PCBP3: variants seen among roughly 807,000 people sequenced by gnomAD.
PCBP3 encodes the protein poly(rC) binding protein 3.
PCBP3 carries 25 observed loss-of-function variants against 52.7 expected under a neutral mutation model. That is an observed-to-expected ratio of 0.47 (90% CI 0.35 to 0.66). The LOEUF (loss-of-function observed/expected upper bound fraction) is 0.66, where lower values mean the gene tolerates loss of function less well. Ranked by LOEUF, PCBP3 falls within the 30% of genes least tolerant of loss-of-function variation. The probability of loss-of-function intolerance (pLI) is 0.01; values close to 1 mark genes in which losing one functional copy is unlikely to be tolerated. For synonymous variants in PCBP3, 162 were observed against 183.0 expected (o/e 0.89, Z 0.93); for missense variants, 391 against 490.3 (o/e 0.80, Z 1.91).
At chr21:45,921,147 A>C (rs2074374074) in intron 13 of PCBP3, among the ~76,000 whole-genome samples, 1 of 113,138 alleles carries the variant, frequency 8.8e-6, no homozygotes, top group African/African-American at 2.7e-5. Context: ...ATAGTCAGGA[A>C]GCAATTTGTA....
chr21:45,732,537 G>A (rs758040523), intron 2 of PCBP3, among the ~76,000 whole-genome samples: 25 of 150,122 alleles, frequency 1.7e-4, no homozygotes, highest in Middle Eastern at 3.4e-3. Flanking sequence ...TGATTATGAC[G>A]TGCCTTGGTT....
At chr21:45,919,259 C>T (rs903050021) in intron 13 of PCBP3, 2 of 152,232 alleles carry the variant, frequency 1.3e-5, no homozygotes, top group Non-Finnish European at 2.9e-5. Flanking sequence ...AGCTGCTCCT[C>T]GTAACGCAGT....
chr21:45,857,564 A>G (rs2094349594), intron 5 of PCBP3, among the ~76,000 whole-genome samples: 1 of 152,036 alleles, frequency 6.6e-6, no homozygotes, highest in African/African-American at 2.4e-5. Flanking sequence ...TACACCACCT[A>G]TAACCCCCCA....
Position 45,646,107 on chromosome 21 carries a change from C to CTG in PCBP3, c.-279+2277_-279+2278dup, listed in dbSNP as rs765931494. The stretch of plus-strand genomic sequence containing the variant: ...TTTCTCTCTCTCTCTCTCTCTCTCT[C>CTG]TGTGTGTGTGTGTGTGTGTGTGTGT... On this transcript the variant is annotated intron_variant, in intron 1 of 17. Coordinates refer to ENST00000681687, the MANE Select transcript of PCBP3 (RefSeq NM_001384156.1). Among the ~76,000 whole-genome samples, 672 of 83,822 alleles carry CTG rather than the reference C, an allele frequency of 8.0e-3. 7 individuals are homozygous for CTG. The highest frequency in any genetic ancestry group is 0.019 in the Middle Eastern group (3 of 160). 55.0% of individuals were successfully genotyped at this position (83,822 alleles called of 152,430 possible).
At chr21:45,934,846 G>T (rs894810368) in intron 15 of PCBP3, among the ~76,000 whole-genome samples, 4 of 152,198 alleles carry the variant, frequency 2.6e-5, no homozygotes, top group Non-Finnish European at 4.4e-5. Context: ...CAGCATCAGT[G>T]TGACCAGCAT....
In PCBP3 at chr21:45,880,469, C is replaced by T. The variant is rs753172233; in HGVS notation, c.11-15739C>T. On this transcript the variant is annotated intron_variant, in intron 5 of 17. Transcript: ENST00000681687. The surrounding 1 kb of genome is among the most constrained non-coding windows in gnomAD (Gnocchi z 5.4). ...GGTGGTGTGGGAGAAAATAGGATTA[C>T]GGTGCTTCTGAGTATTGAGTTTAGA... Among the ~76,000 whole-genome samples, 26 of 152,216 alleles carry T rather than the reference C, an allele frequency of 1.7e-4. No individual in the cohort carries two copies. Among genetic ancestry groups the T allele is most frequent in the Non-Finnish European group, 3.1e-4 (21 of 68,044 alleles).
chr21:45,828,065 T>C (rs55927540), intron 4 of PCBP3: 23,127 of 152,254 alleles, frequency 0.15, 1,912 homozygotes, highest in Middle Eastern at 0.3. Context: ...TGGAGTGTCG[T>C]TGGTGTTGGA....
chr21:45,857,307 T>C (rs944992533), intron 5 of PCBP3, among the ~76,000 whole-genome samples: 3 of 152,154 alleles, frequency 2.0e-5, no homozygotes, highest in Non-Finnish European at 4.4e-5. Context: ...CAATATAGGG[T>C]TAAATAAAAC....
chr21:45,887,798 A>G (rs1397729855), intron 5 of PCBP3, among the ~76,000 whole-genome samples: 1 of 152,206 alleles, frequency 6.6e-6, no homozygotes, highest in Non-Finnish European at 1.5e-5. Context: ...AGAGGCTGCA[A>G]CTACTACGCA....
At chr21:45,919,853 G>T (rs909075277) in intron 13 of PCBP3, among the ~76,000 whole-genome samples, 3 of 150,800 alleles carry the variant, frequency 2.0e-5, no homozygotes, top group African/African-American at 7.5e-5. Context: ...GCGCGTGCGC[G>T]TCCCCGTGCA....
chr21:45,779,424 G>C (rs184801083), intron 4 of PCBP3, among the ~76,000 whole-genome samples: 1 of 152,260 alleles, frequency 6.6e-6, no homozygotes, highest in Non-Finnish European at 1.5e-5. Flanking sequence ...AGCCAGGCAG[G>C]CTCCCCCTCT....
chr21:45,664,994 A>G (rs2080698995), intron 1 of PCBP3, among the ~76,000 whole-genome samples: 1 of 152,012 alleles, frequency 6.6e-6, no homozygotes, highest in Admixed American at 6.6e-5. Context: ...CCTTGTAGAA[A>G]TCTTTCACCT....
intron 2 of PCBP3, among the ~76,000 whole-genome samples, chr21:45,731,988 G>A (rs2085490436): frequency 6.6e-6 from 1 of 151,190 alleles, no homozygotes; most frequent in African/African-American, 2.4e-5. Context: ...ACTTCTTTTT[G>A]TAGATCCAGA....
intron 2 of PCBP3, among the ~76,000 whole-genome samples, chr21:45,669,799 GTGTGTGTA>G (rs1432295304): frequency 0.022 from 1,939 of 87,612 alleles, 7 homozygotes; most frequent in Middle Eastern, 0.031. Flanking sequence ...GTGTGTGTGT[GTGTGTGTA>G]TATATATATA....
intron 3 of PCBP3, among the ~76,000 whole-genome samples, chr21:45,742,582 T>C (rs903043957): frequency 2.6e-5 from 4 of 152,246 alleles, no homozygotes; most frequent in South Asian, 2.1e-4. Context: ...TCGTCTCTTA[T>C]TGTGTTTACA....
At chr21:45,653,404 T>C (rs1434733758) in intron 1 of PCBP3, among the ~76,000 whole-genome samples, 2 of 152,174 alleles carry the variant, frequency 1.3e-5, no homozygotes, top group Non-Finnish European at 2.9e-5. Context: ...TTTGAGACTG[T>C]GTTGTCAGGG....
intron 5 of PCBP3, among the ~76,000 whole-genome samples, chr21:45,889,353 C>A (rs745772413): frequency 2.0e-5 from 3 of 152,254 alleles, no homozygotes; most frequent in Non-Finnish European, 2.9e-5. Context: ...TGCTTAGAAG[C>A]TGTCAGGACC....
intron 4 of PCBP3, among the ~76,000 whole-genome samples, chr21:45,780,203 G>A (rs1466083992): frequency 1.3e-5 from 2 of 152,236 alleles, no homozygotes; most frequent in Non-Finnish European, 2.9e-5. Flanking sequence ...GATCTTGCGT[G>A]AGGCAATGTT....
At chr21:45,901,654 GAC>G (rs1472903434) in intron 9 of PCBP3, 1 of 84,142 alleles carries the variant, frequency 1.2e-5, no homozygotes, top group East Asian at 2.7e-4. Flanking sequence ...CAGAGAGAGA[GAC>G]AGAGAGAGAG....
Sources: gnomAD v4.1 joint callset for allele counts (sites outside exome capture counted in the v4.1 genomes callset) on GRCh38, gnomAD v4.1.1 for gene constraint, Gnocchi (gnomAD v3.1) non-coding constraint, MANE v1.5 for transcripts, NCBI Gene and HGNC (gene_info 2026-07-23, HGNC 2026-07-21) for gene names.